The following GCSH variants were observed in gnomAD, a reference collection of about 807,000 sequenced individuals.
The protein encoded by GCSH is glycine cleavage system protein H, also known as glycine cleavage system H protein, mitochondrial.
In GCSH, 15 loss-of-function variants were observed where a neutral mutation model predicts 21.3. The ratio of observed to expected loss-of-function variants is 0.70; its 90% CI spans 0.47 to 1.08. The LOEUF (loss-of-function observed/expected upper bound fraction) is 1.08, where lower values mean the gene tolerates loss of function less well. GCSH is among the 50% of genes least tolerant of loss of function. The pLI is 0.00. For synonymous variants in GCSH, 59 were observed against 84.5 expected, an observed-to-expected ratio of 0.70 and a Z score of 1.66; for missense variants, 179 against 217.5, an observed-to-expected ratio of 0.82 and a Z score of 1.11.
At chr16:81,089,683 G>A (rs1263717668) in intron 2 of GCSH, among the ~76,000 whole-genome samples, 2 of 152,036 alleles carry the variant, frequency 1.3e-5, no homozygotes, top group African/African-American at 2.4e-5. Flanking sequence ...CCCCTTCCCC[G>A]CCTCACCCAA....
At chr16:81,088,532 G>A (rs1013425206) in intron 2 of GCSH, among the ~76,000 whole-genome samples, 2 of 152,100 alleles carry the variant, frequency 1.3e-5, no homozygotes, top group Non-Finnish European at 2.9e-5. Context: ...CCAAGTAGCT[G>A]GGATTACAGG....
At chr16:81,085,591 A>G (rs8177939) in intron 3 of GCSH, among the ~76,000 whole-genome samples, 16,937 of 152,254 alleles carry the variant, frequency 0.11, 997 homozygotes, top group East Asian at 0.21. Context: ...GCTCTGGGCC[A>G]GGCGTGGTGG....
chr16:81,093,538 G>A (rs1972441430), intron 1 of GCSH, among the ~76,000 whole-genome samples: 1 of 152,018 alleles, frequency 6.6e-6, no homozygotes, highest in Non-Finnish European at 1.5e-5. Context: ...AACATTACAG[G>A]TAATGTTACC....
rs1357971456 is a variant in GCSH at position 81,096,168 on chromosome 16, G to C, written c.111C>G (p.Ala37=). ...PPRPWQLGVG[A]VRTLRTGPAL... ...CGGGTCCAGTGCGCAGCGTACGGAC[G>C]GCGCCCACCCCCAGCTGCCAGGGCC... The change falls in exon 1 of 5, where the codon GCC becomes GCG. Residue 37 remains alanine (A), a synonymous_variant. Transcript: ENST00000315467. The C allele has an allele frequency of 7.6e-6, 10 of 1,318,292 alleles. No homozygotes were observed. The highest frequency in any genetic ancestry group is 8.0e-5 in the Admixed American group (2 of 24,888). 81.7% of individuals were successfully genotyped at this position (1,318,292 alleles called of 1,614,324 possible).
intron 4 of GCSH, chr16:81,083,799 G>A (rs928141168): frequency 6.6e-6 from 1 of 152,350 alleles, no homozygotes; most frequent in African/African-American, 2.4e-5. Context: ...GTGAAAATGT[G>A]AGAAAACCAA....
chr16:81,086,891 A>C (rs1972291518), intron 3 of GCSH, among the ~76,000 whole-genome samples: 1 of 148,374 alleles, frequency 6.7e-6, no homozygotes, highest in South Asian at 2.2e-4. Context: ...TTGACTAGGA[A>C]GGTTTATTTA....
intron 1 of GCSH, among the ~76,000 whole-genome samples, chr16:81,095,761 G>A (rs1342414039): frequency 6.6e-6 from 1 of 152,158 alleles, no homozygotes; most frequent in South Asian, 2.1e-4. Flanking sequence ...TCTCAACGAT[G>A]CACGCAGATG....
In GCSH at chr16:81,082,146, G is replaced by T. The variant is rs1232288845; in HGVS notation, c.*720C>A. 4.4e-6 allele frequency: 2 copies of T among 454,078 alleles called. No homozygotes were observed. The highest frequency in any genetic ancestry group is 4.7e-5 in the Admixed American group (2 of 42,552). The allele number at this position is 454,078 out of a possible 1,614,324, so 28.1% of individuals were successfully genotyped here. A position where few individuals can be genotyped will look rare whatever the true frequency, so the allele number is the denominator to read the frequency against. On this transcript the variant is annotated 3_prime_UTR_variant, in exon 5 of 5. Transcript: ENST00000315467. ...ATTTATTTTTTATTATGTTAAAGGT[G>T]ACAGATCTTGGCTTAAGAAAAACCA...
rs1363434136 is a variant in GCSH, at chr16:81,082,655, T to C, written c.*211A>G. On this transcript the variant is annotated 3_prime_UTR_variant, in exon 5 of 5. Transcript: ENST00000315467. ...ACACTAGAGCCTAGTCTAAAAATCA[T>C]AGGATATTGTGAAAAAGACGCATAT... 2.7e-5 allele frequency: 12 copies of C among 443,534 alleles called. No homozygotes were observed. The highest frequency in any genetic ancestry group is 2.0e-5 in the Non-Finnish European group (5 of 254,342). 27.5% of individuals were successfully genotyped at this position (443,534 alleles called of 1,614,324 possible). A position where few individuals can be genotyped will look rare whatever the true frequency, so the allele number is the denominator to read the frequency against.
In GCSH at chr16:81,096,360, C is replaced by G. The variant is rs565547445; in HGVS notation, c.-82G>C. ...GGGGCGGGGAGGGGCAGTTCGCGGC[C>G]GGAGGGAGCCGGCTGGATGGAGGCG... On this transcript the variant is annotated 5_prime_UTR_variant, in exon 1 of 5. Transcript: ENST00000315467. 8 of 1,106,618 alleles carry G rather than the reference C, an allele frequency of 7.2e-6. No homozygotes were observed. The East Asian group carries it at 1.0e-4, about 14-fold the overall frequency. The allele number at this position is 1,106,618 out of a possible 1,614,324, so 68.5% of individuals were successfully genotyped here.
chr16:81,084,991 AG>A (rs1182399411), intron 3 of GCSH, among the ~76,000 whole-genome samples: 1 of 143,052 alleles, frequency 7.0e-6, no homozygotes, highest in Non-Finnish European at 1.5e-5. Context: ...CTGGGATTAT[AG>A]GCATAAGCCA....
chr16:81,093,797 TAA>T (rs1972446780), intron 1 of GCSH, among the ~76,000 whole-genome samples: 1 of 152,054 alleles, frequency 6.6e-6, no homozygotes, highest in Non-Finnish European at 1.5e-5. Context: ...TTCAAAGACC[TAA>T]GTCTTTATTT....
At chr16:81,088,238 A>C (rs1427754641) in intron 2 of GCSH, among the ~76,000 whole-genome samples, 1 of 152,186 alleles carries the variant, frequency 6.6e-6, no homozygotes, top group African/African-American at 2.4e-5. Flanking sequence ...TGCCTTGGCA[A>C]TATAGCAAGA....
chr16:81,093,668 C>T (rs963772978), intron 1 of GCSH, among the ~76,000 whole-genome samples: 2 of 151,916 alleles, frequency 1.3e-5, no homozygotes, highest in Non-Finnish European at 2.9e-5. Flanking sequence ...TGGTGAAACC[C>T]CGTCTCTACT....
intron 1 of GCSH, among the ~76,000 whole-genome samples, chr16:81,094,967 C>G (rs1216267390): frequency 6.6e-6 from 1 of 151,944 alleles, no homozygotes; most frequent in Admixed American, 6.6e-5. Context: ...GTGACGGGCG[C>G]CAGTGAACCC....
At chr16:81,084,686 G>C (rs975792003) in intron 3 of GCSH, 92 bp from the exon 4 acceptor site, 4 of 836,624 alleles carry the variant, frequency 4.8e-6, no homozygotes, top group South Asian at 4.7e-5. Flanking sequence ...CTGTCATACA[G>C]CTATGATTTT....
At chr16:81,088,875 C>G (rs1403665094) in intron 2 of GCSH, among the ~76,000 whole-genome samples, 1 of 152,188 alleles carries the variant, frequency 6.6e-6, no homozygotes, top group Non-Finnish European at 1.5e-5. Context: ...AGTGGTCTCT[C>G]CATCAGGTAA....
intron 1 of GCSH, among the ~76,000 whole-genome samples, chr16:81,095,122 T>C (rs985523806): frequency 1.3e-5 from 2 of 150,326 alleles, no homozygotes; most frequent in African/African-American, 2.5e-5. Context: ...AAAAAGAAAA[T>C]TGTTTTTCCC....
intron 3 of GCSH, among the ~76,000 whole-genome samples, chr16:81,086,797 G>C (rs1025773105): frequency 1.5e-5 from 2 of 131,344 alleles, no homozygotes; most frequent in African/African-American, 2.6e-5. Context: ...GCAGCCAAAC[G>C]TAACACACAC....
Sources: allele counts gnomAD v4.1 joint callset (sites outside exome capture counted in the v4.1 genomes callset), GRCh38; gene constraint gnomAD v4.1.1; transcripts MANE v1.5; gene names NCBI Gene and HGNC (gene_info 2026-07-23, HGNC 2026-07-21).